APOBEC2: variants seen among roughly 807,000 people sequenced by gnomAD.
The protein encoded by APOBEC2 is C->U-editing enzyme APOBEC-2.
A neutral mutation model predicts 19.4 loss-of-function variants in APOBEC2; 14 were observed. The ratio of observed to expected loss-of-function variants is 0.72; its 90% confidence interval spans 0.48 to 1.13. The LOEUF (loss-of-function observed/expected upper bound fraction) is 1.13, where lower values mean the gene tolerates loss of function less well. Ranked by LOEUF, APOBEC2 falls within the 50% of genes most tolerant of loss-of-function variation. The pLI is 0.00. For missense variants in APOBEC2, 304 were observed against 277.0 expected, an observed-to-expected ratio of 1.10 and a Z score of -0.69; for synonymous variants, 127 against 112.1, an observed-to-expected ratio of 1.13 and a Z score of -0.84.
At chr6:41,058,370 A>C (rs1180491286) in intron 1 of APOBEC2, among the ~76,000 whole-genome samples, 104 of 120,158 alleles carry the variant, frequency 8.7e-4, no homozygotes, top group East Asian at 2.2e-3. Flanking sequence ...GCATCTCTCT[A>C]CTGACCACCA....
rs768211296 is a variant in APOBEC2 at position 41,053,489 on chromosome 6, G to T, written c.131+11G>T. 10 of 1,614,170 alleles carry T rather than the reference G, an allele frequency of 6.2e-6. No homozygotes were observed. The highest frequency in any genetic ancestry group is 7.6e-6 in the Non-Finnish European group (9 of 1,179,986). Reference sequence around the variant, plus strand: ...TGAGATTGTCACAGGGTAAGCCTCAGATGTGGGTCAGGGTTCTGCTCCCTA... The same window carrying T: ...TGAGATTGTCACAGGGTAAGCCTCATATGTGGGTCAGGGTTCTGCTCCCTA... On this transcript the variant is annotated intron_variant, in intron 1 of 2. Transcript: ENST00000244669.
At chr6:41,054,005 C>G (rs1189414418) in intron 1 of APOBEC2, among the ~76,000 whole-genome samples, 1 of 152,186 alleles carries the variant, frequency 6.6e-6, no homozygotes, top group African/African-American at 2.4e-5. Context: ...TCAGAAGCAG[C>G]TTTTTTCTTA....
intron 1 of APOBEC2, 126 bp downstream of exon 1, chr6:41,053,604 C>A: frequency 1.4e-6 from 2 of 1,408,236 alleles, no homozygotes; most frequent in Non-Finnish European, 1.9e-6. Context: ...AGTGAGAGTG[C>A]ACCAGTGGGC....
intron 1 of APOBEC2, among the ~76,000 whole-genome samples, chr6:41,059,714 G>A (rs796217131): frequency 7.2e-5 from 11 of 152,284 alleles, no homozygotes; most frequent in African/African-American, 2.4e-4. Flanking sequence ...TTTTGGTGAT[G>A]GGTGGGGGTG....
At chr6:41,063,655 T>C (rs1165177072) in intron 2 of APOBEC2, among the ~76,000 whole-genome samples, 1 of 16,912 alleles carries the variant, frequency 5.9e-5, no homozygotes, top group Non-Finnish European at 1.2e-4. Flanking sequence ...GGTTAAGATA[T>C]ATCAAGTTAA....
intron 1 of APOBEC2, among the ~76,000 whole-genome samples, chr6:41,055,931 G>A (rs1762789335): frequency 6.6e-6 from 1 of 152,114 alleles, no homozygotes; most frequent in South Asian, 2.1e-4. Flanking sequence ...TTTAGAAATT[G>A]GGGATTCTTC....
chr6:41,061,827 A>T lies in APOBEC2; in HGVS notation c.631A>T (p.Asn211Tyr), dbSNP rs772784527. Residue 211 changes from asparagine (N) to tyrosine (Y), a missense_variant, in exon 2 of 3, where the codon AAC becomes TAC. Asn to Tyr is a moderately radical substitution (Grantham distance 143). Coordinates refer to ENST00000244669, the MANE Select transcript of APOBEC2 (RefSeq NM_006789.4). ...TCAGCCCTGGGAGGACATTCAGGAGAACTTCCTATACTACGAGGAGAAGTT... is the reference window on the plus strand; with the variant it reads ...TCAGCCCTGGGAGGACATTCAGGAGTACTTCCTATACTACGAGGAGAAGTT... ...AFQPWEDIQE[N>Y]FLYYEEKLAD... The T allele has an allele frequency of 6.2e-7, 1 of 1,614,110 alleles. No homozygotes were observed. The highest frequency in any genetic ancestry group is 8.5e-7 in the Non-Finnish European group (1 of 1,180,010).
At position 41,053,395 on chromosome 6, in the gene APOBEC2, G is replaced by A. The variant is rs763600040; in HGVS notation, c.48G>A (p.Gln16=). 1 of 1,614,134 alleles carries A rather than the reference G, an allele frequency of 6.2e-7. No individual in the cohort carries two copies. The highest frequency in any genetic ancestry group is 1.1e-5 in the South Asian group (1 of 91,084). The change falls in exon 1 of 3, where the codon CAG becomes CAA. Residue 16 remains glutamine (Q), a synonymous_variant. Transcript: ENST00000244669. The part of the protein sequence containing the change: ...EAAVATEAAS[Q]NGEDLENLDD... ...CTGTGGCCACTGAGGCTGCCTCCCA[G>A]AATGGGGAGGATCTGGAGAACCTGG...
At chr6:41,056,763 A>G (rs1176784409) in intron 1 of APOBEC2, among the ~76,000 whole-genome samples, 1 of 152,188 alleles carries the variant, frequency 6.6e-6, no homozygotes, top group African/African-American at 2.4e-5. Context: ...TAAATGAATG[A>G]CCTAATGAAT....
At chr6:41,056,146 G>A (rs545613246) in intron 1 of APOBEC2, among the ~76,000 whole-genome samples, 1 of 152,182 alleles carries the variant, frequency 6.6e-6, no homozygotes, top group African/African-American at 2.4e-5. Context: ...ATGGGGTCTT[G>A]CTTCTTGCTC....
Position 41,061,584 on chromosome 6 carries a change from G to A in APOBEC2, c.388G>A (p.Ala130Thr), listed in dbSNP as rs1416806614. The A allele has an allele frequency of 4.3e-6, 7 of 1,614,134 alleles. No homozygotes were observed. The highest frequency in any genetic ancestry group is 1.6e-4 in the Middle Eastern group (1 of 6,084). ...TWYVSSSPCAACADRIIKTLS... is the reference protein window; with the variant it reads ...TWYVSSSPCATCADRIIKTLS... ...GTATGTGTCCTCCAGCCCCTGTGCA[G>A]CGTGTGCTGACCGCATTATCAAAAC... Residue 130 changes from alanine to threonine, a missense_variant, in exon 2 of 3, where the codon GCG becomes ACG. By Grantham distance (58) the Ala-to-Thr change is moderately conservative. Transcript: ENST00000244669.
chr6:41,054,262 CT>C (rs1322503661), intron 1 of APOBEC2, among the ~76,000 whole-genome samples: 12 of 152,336 alleles, frequency 7.9e-5, no homozygotes, highest in Non-Finnish European at 1.5e-4. Flanking sequence ...TTCCTCTTCC[CT>C]TTCTATTCCT....
intron 1 of APOBEC2, among the ~76,000 whole-genome samples, chr6:41,055,580 A>G (rs1429578037): frequency 6.6e-6 from 1 of 152,154 alleles, no homozygotes; most frequent in East Asian, 1.9e-4. Flanking sequence ...TCCTATAGGG[A>G]AGATCTTTAG....
chr6:41,058,419 ACACACACT>A (rs1581989803), intron 1 of APOBEC2, among the ~76,000 whole-genome samples: 1 of 141,326 alleles, frequency 7.1e-6, no homozygotes, highest in Non-Finnish European at 1.6e-5. Flanking sequence ...ACACACACAC[ACACACACT>A]CACACACACA....
chr6:41,056,342 A>G (rs1041829206), intron 1 of APOBEC2, among the ~76,000 whole-genome samples: 22 of 152,332 alleles, frequency 1.4e-4, no homozygotes, highest in African/African-American at 5.3e-4. Context: ...GCTGCTCTCA[A>G]ACTCCTGGCT....
In APOBEC2 at chr6:41,061,842, G is replaced by T. The variant is rs150558136; in HGVS notation, c.646G>T (p.Glu216Ter). The T allele has an allele frequency of 6.2e-7, 1 of 1,613,482 alleles. No homozygotes were observed. Among genetic ancestry groups the T allele is most frequent in the African/African-American group, 1.3e-5 (1 of 74,906 alleles). The change falls in exon 2 of 3, where the codon GAG becomes TAG. Residue 216 changes from glutamate to a stop codon, truncating the protein, a stop_gained. Transcript: ENST00000244669. LOFTEE classifies it high-confidence loss of function. ...EDIQENFLYYEEKLADILK is the reference protein window; with the variant it reads ...EDIQENFLYY ...CATTCAGGAGAACTTCCTATACTAC[G>T]AGGAGAAGTTGGCAGACATCCTGAA... is the stretch of plus-strand genomic sequence containing the variant.
At chr6:41,053,851 C>T (rs1762761688) in intron 1 of APOBEC2, among the ~76,000 whole-genome samples, 1 of 152,174 alleles carries the variant, frequency 6.6e-6, no homozygotes, top group Non-Finnish European at 1.5e-5. Context: ...TATGTGGCTC[C>T]GTTCAAAGCA....
rs2114034364 is a variant in APOBEC2 at position 41,064,689 on chromosome 6, G to A, written c.*610G>A. 6.6e-6 allele frequency: 1 copy of A among 152,188 alleles called. No individual in the cohort carries two copies. The highest frequency in any genetic ancestry group is 1.9e-4 in the East Asian group (1 of 5,170). 9.4% of individuals were successfully genotyped at this position (152,188 alleles called of 1,614,324 possible). A position where few individuals can be genotyped will look rare whatever the true frequency, so the allele number is the denominator to read the frequency against. On this transcript the variant is annotated 3_prime_UTR_variant, in exon 3 of 3. Transcript: ENST00000244669. ...AGACTTCTTACGACAATCAAGTGAGGGCCTTTCCCTTCTCTGAAGGCAAGT... is the reference window on the plus strand; with the variant it reads ...AGACTTCTTACGACAATCAAGTGAGAGCCTTTCCCTTCTCTGAAGGCAAGT...
rs762143268 is a variant in APOBEC2, at chr6:41,061,389, A to G, written c.193A>G (p.Arg65Gly). 1.3e-5 allele frequency: 21 copies of G among 1,587,376 alleles called. No individual in the cohort carries two copies. The highest frequency in any genetic ancestry group is 1.8e-5 in the Non-Finnish European group (21 of 1,167,824). Residue 65 changes from arginine (R) to glycine (G), a missense_variant, in exon 2 of 3, where the codon AGG (arginine) becomes GGG (glycine). Arg to Gly is a moderately radical substitution (Grantham distance 125). Transcript: ENST00000244669. ...QFRNVEYSSG[R>G]NKTFLCYVVE... Reference sequence around the variant, plus strand: ...CCGGAATGTGGAGTACAGTTCCGGGAGGAACAAGACCTTCCTCTGCTATGT... The same window carrying G: ...CCGGAATGTGGAGTACAGTTCCGGGGGGAACAAGACCTTCCTCTGCTATGT...
Sources: gnomAD v4.1 joint callset for allele counts (sites outside exome capture counted in the v4.1 genomes callset) on GRCh38, gnomAD v4.1.1 for gene constraint, MANE v1.5 for transcripts, NCBI Gene and HGNC (gene_info 2026-07-23, HGNC 2026-07-21) for gene names.